TENM4: variants seen among roughly 807,000 people sequenced by gnomAD.
TENM4 encodes the protein teneurin-4.
Under a neutral mutation model 243.3 loss-of-function variants are expected in TENM4, and 82 were observed. The observed-to-expected ratio is 0.34, with a 90% confidence interval of 0.28 to 0.40. The LOEUF is 0.40. Ranked by LOEUF, TENM4 falls within the 10% of genes least tolerant of loss-of-function variation. The pLI is 1.00. For synonymous variants in TENM4, 1,412 were observed against 1,456.3 expected (o/e 0.97, Z 0.69); for missense variants, 3,138 against 3,673.3 (o/e 0.85, Z 3.77).
chr11:78,826,593 T>G (rs1293024235), intron 12 of TENM4, among the ~76,000 whole-genome samples: 1 of 152,122 alleles, frequency 6.6e-6, no homozygotes, highest in African/African-American at 2.4e-5. Context: ...CCCTTTGTGA[T>G]GTCTACTCCA....
intron 1 of TENM4, among the ~76,000 whole-genome samples, chr11:79,305,318 A>G (rs2135404493): frequency 6.6e-6 from 1 of 152,352 alleles, no homozygotes; most frequent in East Asian, 1.9e-4. Context: ...TCAAACATCT[A>G]GCTGAGGCCT....
At chr11:79,205,310 A>G (rs1379130520) in intron 3 of TENM4, among the ~76,000 whole-genome samples, 1 of 152,176 alleles carries the variant, frequency 6.6e-6, no homozygotes, top group Non-Finnish European at 1.5e-5. Flanking sequence ...CAGTCTACCA[A>G]TCATATTCAA....
At chr11:79,257,249 G>C (rs545186990) in intron 2 of TENM4, among the ~76,000 whole-genome samples, 4 of 152,220 alleles carry the variant, frequency 2.6e-5, no homozygotes, top group Non-Finnish European at 5.9e-5. Context: ...CTCTCAATCT[G>C]AATGTTGTGT....
chr11:78,972,203 G>T (rs539533608), intron 6 of TENM4, among the ~76,000 whole-genome samples: 1 of 152,164 alleles, frequency 6.6e-6, no homozygotes, highest in Non-Finnish European at 1.5e-5. Flanking sequence ...TCTTCCTTGG[G>T]TCCCTAATGG....
intron 9 of TENM4, among the ~76,000 whole-genome samples, chr11:78,868,036 T>C (rs1859027055): frequency 6.8e-6 from 1 of 147,066 alleles, no homozygotes; most frequent in East Asian, 2.0e-4. Flanking sequence ...AGCAGCTGAG[T>C]GCGTGTTATC....
At chr11:79,119,768 C>T (rs1321174074) in intron 4 of TENM4, among the ~76,000 whole-genome samples, 1 of 152,174 alleles carries the variant, frequency 6.6e-6, no homozygotes, top group Non-Finnish European at 1.5e-5. Context: ...TGGCAGCCCG[C>T]CCCTCTACTC....
chr11:79,337,964 G>A (rs1021970279), intron 1 of TENM4, among the ~76,000 whole-genome samples: 1 of 152,208 alleles, frequency 6.6e-6, no homozygotes, highest in African/African-American at 2.4e-5. Flanking sequence ...CACTGCTTTT[G>A]AGACTGTGAG....
intron 6 of TENM4, among the ~76,000 whole-genome samples, chr11:78,915,394 A>G (rs1856291319): frequency 6.6e-6 from 1 of 152,002 alleles, no homozygotes. Flanking sequence ...TTAATATATC[A>G]TAGCCTGTGT....
chr11:79,085,722 T>C (rs540907179), intron 4 of TENM4, among the ~76,000 whole-genome samples: 181 of 144,778 alleles, frequency 1.3e-3, no homozygotes, highest in African/African-American at 4.5e-3. Context: ...CATTCTTCTC[T>C]GAAAAAGTTT....
At chr11:79,282,342 C>T (rs1010458930) in intron 2 of TENM4, among the ~76,000 whole-genome samples, 5 of 152,160 alleles carry the variant, frequency 3.3e-5, no homozygotes, top group Non-Finnish European at 4.4e-5. Flanking sequence ...TGACCCGATA[C>T]TCCAGGGCCT....
intron 31 of TENM4, among the ~76,000 whole-genome samples, chr11:78,671,732 C>A (rs1054045984): frequency 6.6e-6 from 1 of 152,174 alleles, no homozygotes; most frequent in African/African-American, 2.4e-5. Flanking sequence ...TGGGAGCAGA[C>A]CCTTGGCCTG....
chr11:79,268,599 C>A (rs1855918674), intron 2 of TENM4, among the ~76,000 whole-genome samples: 1 of 152,128 alleles, frequency 6.6e-6, no homozygotes, highest in Non-Finnish European at 1.5e-5. Flanking sequence ...TAACCCCAAA[C>A]CCAACACTAT....
At chr11:79,017,826 C>T (rs149899252) in intron 6 of TENM4, among the ~76,000 whole-genome samples, 1 of 152,312 alleles carries the variant, frequency 6.6e-6, no homozygotes, top group East Asian at 1.9e-4. Flanking sequence ...GCCCTGTGTA[C>T]AGGGCTCAGG....
At chr11:79,030,143 G>C (rs897743035) in intron 6 of TENM4, among the ~76,000 whole-genome samples, 1 of 152,178 alleles carries the variant, frequency 6.6e-6, no homozygotes, top group Non-Finnish European at 1.5e-5. Flanking sequence ...AAGCTGAGAG[G>C]AACTTGGGGC....
At chr11:79,025,152 C>A (rs1209964000) in intron 6 of TENM4, among the ~76,000 whole-genome samples, 1 of 152,134 alleles carries the variant, frequency 6.6e-6, no homozygotes, top group Non-Finnish European at 1.5e-5. Context: ...GGCTAAGTAC[C>A]CCTCTGTCTC....
chr11:79,085,394 GTT>G (rs1555005378), intron 4 of TENM4, among the ~76,000 whole-genome samples: 7 of 79,914 alleles, frequency 8.8e-5, no homozygotes, highest in East Asian at 1.2e-3. Flanking sequence ...AAAAAGGGGG[GTT>G]TTTTTTTTGG....
chr11:78,889,894 C>G lies in TENM4; in HGVS notation c.975G>C (p.Arg325=), dbSNP rs780330177. The G allele has an allele frequency of 1.5e-5, 24 of 1,551,662 alleles. 1 individual carries two copies. The East Asian group carries it at 5.9e-4, about 38-fold the overall frequency. ...PRPLPRSTFA[R]PAFNLKKPSK... ...AGGGCTTCTTGAGGTTAAAGGCCGG[C>G]CGGGCGAAGGTGCTGCGGGGCAGGG... The change falls in exon 9 of 34, where the codon CGG becomes CGC. Residue 325 remains arginine (R), a synonymous_variant. Transcript: ENST00000278550.
chr11:79,159,328 G>C (rs189505404), intron 3 of TENM4, among the ~76,000 whole-genome samples: 10 of 152,292 alleles, frequency 6.6e-5, no homozygotes, highest in Admixed American at 6.5e-4. Context: ...TTGGCATGTA[G>C]TATCTGATTT....
At chr11:79,021,983 C>T (rs1009451577) in intron 6 of TENM4, among the ~76,000 whole-genome samples, 15 of 152,088 alleles carry the variant, frequency 9.9e-5, no homozygotes, top group South Asian at 2.1e-4. Flanking sequence ...GCAGAGGATA[C>T]GCAGACAATT....
Sources: gnomAD v4.1 joint callset for allele counts (sites outside exome capture counted in the v4.1 genomes callset) on GRCh38, gnomAD v4.1.1 for gene constraint, MANE v1.5 for transcripts, NCBI Gene and HGNC (gene_info 2026-07-23, HGNC 2026-07-21) for gene names.